Variants in ELMO1 observed in about 807,000 individuals in gnomAD.
The protein encoded by ELMO1 is engulfment and cell motility 1.
Under a neutral mutation model 98.9 loss-of-function variants are expected in ELMO1, and 26 were observed. The observed-to-expected ratio is 0.26, with a 90% CI of 0.19 to 0.36. ELMO1 has a LOEUF of 0.36. Ranked by LOEUF, ELMO1 falls within the 10% of genes least tolerant of loss-of-function variation. The probability of loss-of-function intolerance (pLI) is 1.00; values close to 1 mark genes in which losing one functional copy is unlikely to be tolerated. For missense variants in ELMO1, 627 were observed against 935.2 expected (o/e 0.67, Z 4.30); for synonymous variants, 346 against 346.0 (o/e 1.00, Z 0.00).
chr7:37,129,674 A>C (rs1434596481), intron 14 of ELMO1, among the ~76,000 whole-genome samples: 1 of 152,180 alleles, frequency 6.6e-6, no homozygotes, highest in East Asian at 1.9e-4. Flanking sequence ...CCACTACCCT[A>C]GTTCAAGTTA....
chr7:37,381,295 T>C (rs1366352792), intron 1 of ELMO1, among the ~76,000 whole-genome samples: 1 of 152,340 alleles, frequency 6.6e-6, no homozygotes, highest in East Asian at 1.9e-4. Flanking sequence ...AGACAACTAT[T>C]ACTAAGAAAA....
chr7:37,272,513 C>T (rs113356526), intron 4 of ELMO1, among the ~76,000 whole-genome samples: 1 of 151,882 alleles, frequency 6.6e-6, no homozygotes, highest in Non-Finnish European at 1.5e-5. Flanking sequence ...AATAAAAATA[C>T]AAAAAGAAAA....
chr7:37,342,385 G>C lies in ELMO1; in HGVS notation c.78+228C>G, dbSNP rs1289372834. ...CCCTCCCACCTCCTTCCTAGCTTCA[G>C]ACACAAATCCTGTATTGACACAATC... On this transcript the variant is annotated intron_variant, in intron 2 of 21. Coordinates refer to ENST00000310758, the MANE Select transcript of ELMO1 (RefSeq NM_014800.11). This position sits in a 1 kb window ranked among gnomAD's most constrained non-coding sequence, Gnocchi z 4.3. Among the ~76,000 whole-genome samples, 1 of 152,150 alleles carries C rather than the reference G, an allele frequency of 6.6e-6. No individual in the cohort carries two copies. Among genetic ancestry groups the C allele is most frequent in the Non-Finnish European group, 1.5e-5 (1 of 68,028 alleles).
chr7:37,247,002 G>A (rs1358758589), intron 6 of ELMO1, among the ~76,000 whole-genome samples: 4 of 151,828 alleles, frequency 2.6e-5, no homozygotes, highest in Non-Finnish European at 5.9e-5. Flanking sequence ...ATATAAATTT[G>A]TGCTCTTTTG....
In ELMO1 at chr7:37,420,254, G is replaced by A. The variant is rs999796083; in HGVS notation, c.-74+28421C>T. On this transcript the variant is annotated intron_variant, in intron 1 of 21. Transcript: ENST00000310758. ...TTCAACAGCACGAAGTGCTCCATGG[G>A]TCACCTAGCAAAGATGGTTTTATTA... Among the ~76,000 whole-genome samples the A allele has an allele frequency of 2.7e-4, 41 of 152,184 alleles. 1 individual carries two copies. The highest frequency in any genetic ancestry group is 5.9e-5 in the Non-Finnish European group (4 of 68,036).
chr7:36,906,283 T>C (rs1479364214), intron 16 of ELMO1, among the ~76,000 whole-genome samples: 1 of 152,112 alleles, frequency 6.6e-6, no homozygotes, highest in African/African-American at 2.4e-5. Flanking sequence ...CAAGATTCTG[T>C]GATATATACA....
intron 15 of ELMO1, among the ~76,000 whole-genome samples, chr7:37,061,216 C>G (rs1796651051): frequency 6.6e-6 from 1 of 152,220 alleles, no homozygotes; most frequent in African/African-American, 2.4e-5. Flanking sequence ...GTTGAAGATA[C>G]AAGGGATTTG....
chr7:36,966,231 G>C (rs747982799), intron 16 of ELMO1, among the ~76,000 whole-genome samples: 3 of 152,104 alleles, frequency 2.0e-5, no homozygotes, highest in Non-Finnish European at 2.9e-5. Context: ...ATGGAATTCT[G>C]CCAATATGAG....
At chr7:36,926,220 C>G (rs73115367) in intron 16 of ELMO1, among the ~76,000 whole-genome samples, 9,970 of 152,310 alleles carry the variant, frequency 0.065, 474 homozygotes, top group Middle Eastern at 0.12. Context: ...CCATCCTCAT[C>G]TCTACTCTGC....
intron 16 of ELMO1, among the ~76,000 whole-genome samples, chr7:36,962,671 G>T (rs958267196): frequency 4.0e-5 from 6 of 150,944 alleles, no homozygotes; most frequent in Non-Finnish European, 8.8e-5. Flanking sequence ...ATTAACGGGG[G>T]TGGGGTGGGG....
chr7:37,287,559 T>G (rs1231207957), intron 4 of ELMO1, among the ~76,000 whole-genome samples: 2 of 152,252 alleles, frequency 1.3e-5, no homozygotes, highest in East Asian at 3.8e-4. Flanking sequence ...CTTTAATTTC[T>G]GTTCATAATA....
At chr7:37,316,502 G>A (rs1001778460) in intron 2 of ELMO1, among the ~76,000 whole-genome samples, 3 of 152,174 alleles carry the variant, frequency 2.0e-5, no homozygotes, top group African/African-American at 7.2e-5. Flanking sequence ...AGCAGCTTGA[G>A]CCAGACACAC....
intron 13 of ELMO1, among the ~76,000 whole-genome samples, chr7:37,150,277 C>CT (rs10714242): frequency 9.0e-5 from 13 of 143,956 alleles, no homozygotes; most frequent in Non-Finnish European, 1.6e-4. Context: ...ATGCGGAATT[C>CT]TTTTTTTTTT....
intron 1 of ELMO1, among the ~76,000 whole-genome samples, chr7:37,410,174 C>T (rs1294103019): frequency 2.0e-5 from 3 of 152,156 alleles, no homozygotes; most frequent in African/African-American, 7.2e-5. Flanking sequence ...TTTGCATAGG[C>T]AGGATTATTT....
intron 7 of ELMO1, among the ~76,000 whole-genome samples, chr7:37,243,067 G>T (rs887718006): frequency 2.6e-5 from 4 of 152,110 alleles, no homozygotes; most frequent in Admixed American, 6.5e-5. Context: ...ATCTGTGTTA[G>T]TCTGATTGTG....
At chr7:37,236,395 T>C (rs1246014187) in intron 7 of ELMO1, among the ~76,000 whole-genome samples, 1 of 152,126 alleles carries the variant, frequency 6.6e-6, no homozygotes, top group Non-Finnish European at 1.5e-5. Flanking sequence ...TATCCATTAG[T>C]GGGAATGATT....
At chr7:37,397,260 T>C (rs891612215) in intron 1 of ELMO1, among the ~76,000 whole-genome samples, 4 of 152,240 alleles carry the variant, frequency 2.6e-5, no homozygotes, top group Admixed American at 1.3e-4. Context: ...TAATTTTATT[T>C]GTCATTTCCC....
intron 11 of ELMO1, among the ~76,000 whole-genome samples, chr7:37,215,482 A>G (rs1299280410): frequency 6.6e-6 from 1 of 152,116 alleles, no homozygotes; most frequent in African/African-American, 2.4e-5. Context: ...TTCATATGCA[A>G]ATGAATCAGT....
chr7:37,185,729 AAATAGG>A (rs1277146368), intron 13 of ELMO1, among the ~76,000 whole-genome samples: 1 of 152,244 alleles, frequency 6.6e-6, no homozygotes, highest in Non-Finnish European at 1.5e-5. Context: ...CAAAAGAATG[AAATAGG>A]AATAAATTTA....
Sources: gnomAD v4.1 joint callset for allele counts (sites outside exome capture counted in the v4.1 genomes callset) on GRCh38, gnomAD v4.1.1 for gene constraint, Gnocchi (gnomAD v3.1) non-coding constraint, MANE v1.5 for transcripts, NCBI Gene and HGNC (gene_info 2026-07-23, HGNC 2026-07-21) for gene names.